DPP6: variants seen among roughly 807,000 people sequenced by gnomAD.
DPP6 encodes dipeptidyl peptidase like 6.
DPP6 carries 69 observed loss-of-function variants against 122.6 expected under a neutral mutation model. The ratio of observed to expected loss-of-function variants is 0.56; its 90% CI spans 0.46 to 0.69. The LOEUF is 0.69. Among genes scored for constraint, DPP6 ranks in the 30% least tolerant of loss-of-function variants. DPP6 has a pLI of 0.00. For missense variants in DPP6, 928 were observed against 1,116.9 expected (o/e 0.83, Z 2.41); for synonymous variants, 418 against 433.1 (o/e 0.97, Z 0.43).
chr7:153,886,896 T>C (rs1442638764), upstream of DPP6, among the ~76,000 whole-genome samples: 2 of 152,102 alleles, frequency 1.3e-5, no homozygotes, highest in Non-Finnish European at 2.9e-5. Flanking sequence ...AACACCCGGC[T>C]GCGGACGGCG....
the DPP6 span, among the ~76,000 whole-genome samples, chr7:153,823,518 C>T: frequency 6.6e-6 from 1 of 150,578 alleles, no homozygotes; most frequent in Non-Finnish European, 1.5e-5. Context: ...TGTCCTGAAG[C>T]TACGAGATGG....
At chr7:154,641,244 C>A (rs7782562) in intron 6 of DPP6, among the ~76,000 whole-genome samples, 23,947 of 152,120 alleles carry the variant, frequency 0.16, 2,111 homozygotes, top group African/African-American at 0.24. Context: ...AATCAAAAAT[C>A]TATTACCTAA....
intron 6 of DPP6, among the ~76,000 whole-genome samples, chr7:154,650,405 G>C (rs1563060206): frequency 1.3e-5 from 2 of 152,116 alleles, no homozygotes. Flanking sequence ...GCCTGGCTCT[G>C]GGCTGGGTCT....
chr7:154,423,364 C>T (rs1293241297), intron 1 of DPP6, among the ~76,000 whole-genome samples: 5 of 152,122 alleles, frequency 3.3e-5, no homozygotes, highest in Admixed American at 6.5e-5. Context: ...ATTCCATCCT[C>T]CCACAGAGAC....
intron 1 of DPP6, among the ~76,000 whole-genome samples, chr7:154,006,063 C>G (rs1244716099): frequency 2.6e-5 from 4 of 152,156 alleles, no homozygotes; most frequent in Non-Finnish European, 4.4e-5. Flanking sequence ...GAACCCAAAT[C>G]TCAGTGGAGC....
chr7:154,727,251 G>C (rs1030141077), intron 7 of DPP6, among the ~76,000 whole-genome samples: 1 of 152,202 alleles, frequency 6.6e-6, no homozygotes, highest in Non-Finnish European at 1.5e-5. Context: ...AATCATGGTG[G>C]AAGGTGAAGG....
chr7:154,101,878 A>T (rs1180183642), intron 1 of DPP6, among the ~76,000 whole-genome samples: 3 of 143,382 alleles, frequency 2.1e-5, no homozygotes, highest in Non-Finnish European at 3.0e-5. Flanking sequence ...CAGTGAGCCG[A>T]GATGGCGCCA....
chr7:154,298,204 CCTGCAGACTTCACAT>C (rs1424362285), intron 1 of DPP6, among the ~76,000 whole-genome samples: 1 of 152,068 alleles, frequency 6.6e-6, no homozygotes, highest in Non-Finnish European at 1.5e-5. Context: ...GCTGCCCTGC[CCTGCAGACTTCACAT>C]CTGCCAGCCC....
At chr7:154,842,257 A>T (rs1161566215) in intron 16 of DPP6, among the ~76,000 whole-genome samples, 1 of 152,212 alleles carries the variant, frequency 6.6e-6, no homozygotes, top group African/African-American at 2.4e-5. Flanking sequence ...TTGAATCTCC[A>T]TTGTTTACAT....
At chr7:154,210,179 G>C (rs1034528268) in intron 1 of DPP6, among the ~76,000 whole-genome samples, 1 of 152,146 alleles carries the variant, frequency 6.6e-6, no homozygotes, top group Admixed American at 6.5e-5. Flanking sequence ...CCAGCCAAGG[G>C]GAACCTGTGT....
At chr7:154,807,187 A>C in intron 16 of DPP6, 75 bp downstream of exon 16, 4 of 1,238,864 alleles carry the variant, frequency 3.2e-6, no homozygotes, top group South Asian at 1.3e-5. Context: ...GCACACTTGC[A>C]GGGAGGGGGC....
chr7:153,816,615 T>C, the DPP6 span, among the ~76,000 whole-genome samples: 19 of 152,304 alleles, frequency 1.2e-4, no homozygotes, highest in East Asian at 3.9e-4. Context: ...TATGTTTATA[T>C]GACACTGAAA....
intron 1 of DPP6, among the ~76,000 whole-genome samples, chr7:154,286,896 C>T (rs1804891360): frequency 6.6e-6 from 1 of 151,896 alleles, no homozygotes; most frequent in Non-Finnish European, 1.5e-5. Flanking sequence ...ACCTCCACCT[C>T]CTGGGTTCAA....
chr7:154,138,235 A>T (rs1391546408), intron 1 of DPP6, among the ~76,000 whole-genome samples: 1 of 152,240 alleles, frequency 6.6e-6, no homozygotes, highest in Non-Finnish European at 1.5e-5. Context: ...AAGATGTTTT[A>T]TGTGTATGGT....
intron 1 of DPP6, among the ~76,000 whole-genome samples, chr7:154,407,895 A>G (rs1388028337): frequency 6.6e-6 from 1 of 152,200 alleles, no homozygotes; most frequent in Non-Finnish European, 1.5e-5. Flanking sequence ...GGTTTCTAGC[A>G]TTGGCTTTGC....
chr7:154,794,244 C>G (rs1167262863), intron 11 of DPP6, 42 bp downstream of exon 11: 1 of 1,547,634 alleles, frequency 6.5e-7, no homozygotes, highest in Non-Finnish European at 8.8e-7. Flanking sequence ...GGGTGAAGAA[C>G]CGATGGTCAG....
At chr7:154,541,321 G>C (rs1034915580) in intron 4 of DPP6, among the ~76,000 whole-genome samples, 1 of 152,142 alleles carries the variant, frequency 6.6e-6, no homozygotes. Flanking sequence ...TGTTTGTAGA[G>C]ATAGGGTCTC....
intron 18 of DPP6, among the ~76,000 whole-genome samples, chr7:154,869,218 A>G (rs73728622): frequency 0.077 from 11,713 of 152,224 alleles, 1,472 homozygotes; most frequent in African/African-American, 0.26. Context: ...ACGAGACAGC[A>G]GCGTGTCGCC....
intron 1 of DPP6, among the ~76,000 whole-genome samples, chr7:154,405,047 A>T (rs531290463): frequency 6.6e-6 from 1 of 152,390 alleles, no homozygotes; most frequent in East Asian, 1.9e-4. Flanking sequence ...GTACACATAT[A>T]CGTATGCAAA....
Sources: allele counts gnomAD v4.1 joint callset (sites outside exome capture counted in the v4.1 genomes callset), GRCh38; gene constraint gnomAD v4.1.1; transcripts MANE v1.5; gene names NCBI Gene and HGNC (gene_info 2026-07-23, HGNC 2026-07-21).